The following TIMM9 variants were observed in gnomAD, a reference collection of about 807,000 sequenced individuals.
TIMM9 encodes the protein mitochondrial import inner membrane translocase subunit Tim9.
TIMM9 carries 10 observed loss-of-function variants against 13.4 expected under a neutral mutation model. The observed-to-expected ratio is 0.75, with a 90% CI of 0.46 to 1.26. TIMM9 has a LOEUF of 1.26. Among genes scored for constraint, TIMM9 ranks in the 50% most tolerant of loss-of-function variants. The pLI is 0.00. For missense variants in TIMM9, 87 were observed against 100.8 expected (o/e 0.86, Z 0.58); for synonymous variants, 32 against 32.1 (o/e 1.00, Z 0.01).
intron 3 of TIMM9, among the ~76,000 whole-genome samples, chr14:58,413,929 C>T (rs776325524): frequency 2.4e-5 from 3 of 124,810 alleles, no homozygotes; most frequent in Non-Finnish European, 4.8e-5. Flanking sequence ...ATGGCGTGAA[C>T]CCGGGAGGTG....
intron 3 of TIMM9, among the ~76,000 whole-genome samples, chr14:58,423,611 T>C (rs913230275): frequency 6.6e-6 from 1 of 152,126 alleles, no homozygotes; most frequent in Non-Finnish European, 1.5e-5. Context: ...AATCAATGAT[T>C]TTCAGAGTTA....
chr14:58,410,086 G>T (rs796685247), intron 5 of TIMM9, among the ~76,000 whole-genome samples: 57 of 151,234 alleles, frequency 3.8e-4, no homozygotes, highest in African/African-American at 1.4e-3. Context: ...TGTTGTTGTT[G>T]TTGTTGACAG....
At chr14:58,411,051 CAT>C (rs1336526464) in intron 4 of TIMM9, 113 bp from the exon 5 acceptor site, 2 of 713,202 alleles carry the variant, frequency 2.8e-6, no homozygotes, top group Non-Finnish European at 4.8e-6. Flanking sequence ...CACTTGAAAT[CAT>C]AGTTATTATG....
At chr14:58,422,395 C>A (rs1478396928) in intron 3 of TIMM9, among the ~76,000 whole-genome samples, 2 of 152,164 alleles carry the variant, frequency 1.3e-5, no homozygotes, top group South Asian at 2.1e-4. Flanking sequence ...GGATTACAGG[C>A]ATGAGCCACT....
At chr14:58,419,935 G>T (rs959784918) in intron 3 of TIMM9, among the ~76,000 whole-genome samples, 1 of 152,126 alleles carries the variant, frequency 6.6e-6, no homozygotes, top group African/African-American at 2.4e-5. Context: ...GGAATTTAAT[G>T]TAAAATATAA....
At position 58,408,874 on chromosome 14, in the gene TIMM9, G is replaced by A. The variant is rs1480675936; in HGVS notation, c.*160C>T. On this transcript the variant is annotated 3_prime_UTR_variant, in exon 6 of 6. Transcript: ENST00000395159. ...CTATTGTGATTATTCCTGGTAAATA[G>A]CAATTTTGTTTCTCCAGCGGTTTCC... 6 of 997,136 alleles carry A rather than the reference G, an allele frequency of 6.0e-6. No individual in the cohort carries two copies. The East Asian group carries it at 1.1e-4, about 18-fold the overall frequency. 61.8% of individuals were successfully genotyped at this position (997,136 alleles called of 1,614,324 possible). A position where few individuals can be genotyped will look rare whatever the true frequency, so the allele number is the denominator to read the frequency against.
Position 58,419,381 on chromosome 14 carries a change from G to A in TIMM9, c.-27+4627C>T, listed in dbSNP as rs569853083. The stretch of plus-strand genomic sequence containing the variant: ...GAGGCAGGAGAATCATTTGAGCCTG[G>A]GAGGTAGAGGCTGCAGTAAGCCATG... On this transcript the variant is annotated intron_variant, in intron 3 of 5. Transcript: ENST00000395159. Among the ~76,000 whole-genome samples the A allele has an allele frequency of 1.2e-3, 185 of 149,650 alleles. 1 individual carries two copies. The highest frequency in any genetic ancestry group is 3.4e-3 in the African/African-American group (139 of 40,762).
intron 3 of TIMM9, among the ~76,000 whole-genome samples, chr14:58,421,273 T>G (rs140860323): frequency 1.0e-3 from 155 of 152,298 alleles, no homozygotes; most frequent in African/African-American, 3.5e-3. Flanking sequence ...TAATTCCACT[T>G]ATACAACATT....
chr14:58,413,763 T>C (rs2036296034), intron 3 of TIMM9, among the ~76,000 whole-genome samples: 1 of 151,736 alleles, frequency 6.6e-6, no homozygotes, highest in Admixed American at 6.6e-5. Context: ...ATCCCAGCAC[T>C]TTGGGAGGCT....
chr14:58,416,394 T>G (rs1007101592), intron 3 of TIMM9, among the ~76,000 whole-genome samples: 41 of 152,160 alleles, frequency 2.7e-4, no homozygotes, highest in Non-Finnish European at 5.7e-4. Flanking sequence ...ACAAAATGTT[T>G]CAAGTGCTAA....
Position 58,410,562 on chromosome 14 carries a change from G to GAAA in TIMM9, c.135+278_135+280dup, listed in dbSNP as rs1835454258. 2.0e-5 allele frequency among the ~76,000 whole-genome samples: 3 copies of GAAA among 152,224 alleles called. No homozygotes were observed. In the South Asian group the frequency reaches 6.2e-4, roughly 31 times the overall value. The stretch of plus-strand genomic sequence containing the variant: ...TTTCTCTAGGTAGGCCATCTTGGCT[G>GAAA]AAAGCTAATTAGTAAGAATCTTTGT... On this transcript the variant is annotated intron_variant, in intron 5 of 5. Transcript: ENST00000395159.
chr14:58,422,858 G>A (rs1489001298), intron 3 of TIMM9, among the ~76,000 whole-genome samples: 1 of 151,928 alleles, frequency 6.6e-6, no homozygotes, highest in Non-Finnish European at 1.5e-5. Flanking sequence ...GACCCAGGCT[G>A]GAGTACAGTG....
At chr14:58,417,733 G>A (rs955469423) in intron 3 of TIMM9, among the ~76,000 whole-genome samples, 1 of 151,650 alleles carries the variant, frequency 6.6e-6, no homozygotes, top group Non-Finnish European at 1.5e-5. Flanking sequence ...TAAAAAAGAA[G>A]AGCAAAATGA....
rs10656955 is a variant in TIMM9, at chr14:58,414,008, GAAAAAAAAAAA to G, written c.-26-2048_-26-2038del. Among the ~76,000 whole-genome samples the G allele has an allele frequency of 6.0e-3, 144 of 24,188 alleles. 2 individuals carry two copies. Among genetic ancestry groups the G allele is most frequent in the African/African-American group, 0.025 (123 of 4,938 alleles). 15.9% of individuals were successfully genotyped at this position (24,188 alleles called of 152,430 possible). On this transcript the variant is annotated intron_variant, in intron 3 of 5. Transcript: ENST00000395159. ...GGTGACAGAGTGAGATTCCGTCTCA[GAAAAAAAAAAA>G]AAAAAAAAAAAAAAAAAGGTTTGTA... is the stretch of plus-strand genomic sequence containing the variant.
chr14:58,425,720 C>T (rs1046892242), intron 2 of TIMM9, among the ~76,000 whole-genome samples: 6 of 152,100 alleles, frequency 3.9e-5, no homozygotes, highest in African/African-American at 9.7e-5. Flanking sequence ...AGGTCTCTGG[C>T]GACTCTGACA....
chr14:58,412,023 GTCTA>G, intron 3 of TIMM9, 52 bp from the exon 4 acceptor site: 2 of 1,390,922 alleles, frequency 1.4e-6, no homozygotes, highest in Non-Finnish European at 2.0e-6. Context: ...AATGTTTTTA[GTCTA>G]ACTGAAGAGT....
intron 3 of TIMM9, among the ~76,000 whole-genome samples, chr14:58,422,247 T>C (rs1314203165): frequency 1.3e-5 from 2 of 151,726 alleles, no homozygotes; most frequent in Admixed American, 6.6e-5. Flanking sequence ...TCCCAAGCAG[T>C]TGGGATTACA....
intron 5 of TIMM9, among the ~76,000 whole-genome samples, chr14:58,410,595 C>A (rs1247435910): frequency 6.6e-6 from 1 of 152,196 alleles, no homozygotes; most frequent in African/African-American, 2.4e-5. Context: ...TGTTGTGAAA[C>A]AGTAACTCAG....
At chr14:58,412,367 C>G (rs1280285168) in intron 3 of TIMM9, among the ~76,000 whole-genome samples, 1 of 152,188 alleles carries the variant, frequency 6.6e-6, no homozygotes, top group African/African-American at 2.4e-5. Flanking sequence ...GTCTCGATCT[C>G]TTAACCTCAT....
Sources: allele counts gnomAD v4.1 joint callset (sites outside exome capture counted in the v4.1 genomes callset), GRCh38; gene constraint gnomAD v4.1.1; transcripts MANE v1.5; gene names NCBI Gene and HGNC (gene_info 2026-07-23, HGNC 2026-07-21).